Variants in EYA1 observed in about 807,000 individuals in gnomAD.
EYA1 encodes the protein EYA transcriptional coactivator and phosphatase 1.
Under a neutral mutation model 82.0 loss-of-function variants are expected in EYA1, and 16 were observed. The observed-to-expected ratio is 0.20, with a 90% CI of 0.13 to 0.30. The LOEUF is 0.30. EYA1 is among the 10% of genes least tolerant of loss of function. The pLI is 1.00. For synonymous variants in EYA1, 261 were observed against 264.4 expected, an observed-to-expected ratio of 0.99 and a Z score of 0.12; for missense variants, 633 against 730.7, an observed-to-expected ratio of 0.87 and a Z score of 1.54.
intron 11 of EYA1, among the ~76,000 whole-genome samples, chr8:71,245,073 G>A (rs1485155931): frequency 6.6e-6 from 1 of 152,184 alleles, no homozygotes; most frequent in Non-Finnish European, 1.5e-5. Flanking sequence ...AATCCATTAA[G>A]AGCATCTAAG....
chr8:71,530,709 G>A (rs1189231004), intron 2 of EYA1, among the ~76,000 whole-genome samples: 1 of 152,148 alleles, frequency 6.6e-6, no homozygotes, highest in South Asian at 2.1e-4. Flanking sequence ...AATTTTTCCA[G>A]TTTGGTTAAA....
At chr8:71,345,146 T>C (rs369926177) in intron 3 of EYA1, among the ~76,000 whole-genome samples, 82 of 152,314 alleles carry the variant, frequency 5.4e-4, no homozygotes, top group African/African-American at 1.8e-3. Context: ...ATAGCTGCTA[T>C]GTTTTGAGCA....
rs192238855 is a variant in EYA1, at chr8:71,361,933, T to G, written c.-341A>C. ...CCACAGTGGACGGCAACAGGAAGGC[T>G]TAAAGTCGGAAGTGGCACTGGAGAG... On this transcript the variant is annotated 5_prime_UTR_variant, in exon 1 of 18. Coordinates refer to ENST00000340726, the MANE Select transcript of EYA1 (RefSeq NM_000503.6). 1 of 985,432 alleles carries G rather than the reference T, an allele frequency of 1.0e-6. No individual in the cohort carries two copies. The highest frequency in any genetic ancestry group is 1.2e-6 in the Non-Finnish European group (1 of 829,948). 61.0% of individuals were successfully genotyped at this position (985,432 alleles called of 1,614,324 possible).
At chr8:71,363,501 A>G (rs953889349), upstream of EYA1, among the ~76,000 whole-genome samples, 1 of 152,178 alleles carries the variant, frequency 6.6e-6, no homozygotes, top group African/African-American at 2.4e-5. Flanking sequence ...ATCATGGGCT[A>G]GTCATCTACC....
chr8:71,339,952 C>A (rs1317879787), intron 3 of EYA1, among the ~76,000 whole-genome samples: 1 of 152,070 alleles, frequency 6.6e-6, no homozygotes, highest in Non-Finnish European at 1.5e-5. Context: ...TCATTTCTGT[C>A]CTGGCCACAC....
At chr8:71,478,682 A>G (rs563647539) in intron 2 of EYA1, among the ~76,000 whole-genome samples, 2 of 152,154 alleles carry the variant, frequency 1.3e-5, no homozygotes, top group African/African-American at 4.8e-5. Context: ...TTGTTCACTG[A>G]TCTAGAGGAA....
upstream of EYA1, among the ~76,000 whole-genome samples, chr8:71,366,688 T>G (rs559995793): frequency 1.3e-5 from 2 of 152,358 alleles, no homozygotes; most frequent in East Asian, 3.9e-4. Flanking sequence ...CCAGGCACTG[T>G]GCTAGGCATT....
In EYA1 at chr8:71,480,574, A is replaced by G. The variant is rs148552706; in HGVS notation, c.33+55170T>C. Among the ~76,000 whole-genome samples, 64 of 152,270 alleles carry G rather than the reference A, an allele frequency of 4.2e-4. No homozygotes were observed. The East Asian group carries it at 0.012, about 28-fold the overall frequency. ...TTTACCTTCTAAAGTGAAAAAAAAAATGCTGGCACCTTCAGCTGAATAGAA... is the reference window on the plus strand; with the variant it reads ...TTTACCTTCTAAAGTGAAAAAAAAAGTGCTGGCACCTTCAGCTGAATAGAA... On this transcript the variant is annotated intron_variant, in intron 2 of 18. Transcript: ENST00000643681.
chr8:71,274,915 A>G (rs868111342), intron 9 of EYA1, among the ~76,000 whole-genome samples: 2 of 151,572 alleles, frequency 1.3e-5, no homozygotes, highest in East Asian at 3.9e-4. Context: ...AGCGAGCGAG[A>G]GAGAGAGAAT....
intron 11 of EYA1, among the ~76,000 whole-genome samples, chr8:71,259,299 C>T (rs1216096021): frequency 6.6e-6 from 1 of 152,122 alleles, no homozygotes; most frequent in Admixed American, 6.5e-5. Context: ...TACCTTATTA[C>T]ACAGATGCCA....
At chr8:71,253,926 T>A (rs1275644575) in intron 11 of EYA1, among the ~76,000 whole-genome samples, 1 of 151,996 alleles carries the variant, frequency 6.6e-6, no homozygotes, top group African/African-American at 2.4e-5. Context: ...GTGGTTTAGT[T>A]TCATCTCAAA....
chr8:71,347,450 G>T (rs968574423), intron 3 of EYA1, among the ~76,000 whole-genome samples: 7 of 152,134 alleles, frequency 4.6e-5, no homozygotes, highest in Non-Finnish European at 8.8e-5. Flanking sequence ...AGCCTCCTGA[G>T]TAGCTGGAAC....
At chr8:71,263,465 T>C (rs978069205) in intron 11 of EYA1, among the ~76,000 whole-genome samples, 4 of 152,194 alleles carry the variant, frequency 2.6e-5, no homozygotes, top group Non-Finnish European at 1.5e-5. Context: ...TTTGTGCCAT[T>C]ATATTTTAGA....
rs543453089 is a variant in EYA1, at chr8:71,240,167, T to C, written c.1140+4436A>G. On this transcript the variant is annotated intron_variant, in intron 12 of 17. Transcript: ENST00000340726. ...AAAAATCATTGCAGCTTTCTCCTTTTACATAATGCTATTACCTAAAGACCA... is the reference window on the plus strand; with the variant it reads ...AAAAATCATTGCAGCTTTCTCCTTTCACATAATGCTATTACCTAAAGACCA... 1.6e-4 allele frequency among the ~76,000 whole-genome samples: 24 copies of C among 152,274 alleles called. 1 individual carries two copies. In the East Asian group the frequency reaches 4.1e-3, roughly 26 times the overall value.
At chr8:71,298,170 T>C (rs1819791697) in intron 9 of EYA1, among the ~76,000 whole-genome samples, 1 of 152,178 alleles carries the variant, frequency 6.6e-6, no homozygotes, top group Non-Finnish European at 1.5e-5. Flanking sequence ...CATACTATGA[T>C]TATAATATCA....
chr8:71,353,486 C>A (rs6992926), intron 3 of EYA1, among the ~76,000 whole-genome samples: 47,661 of 152,034 alleles, frequency 0.31, 9,939 homozygotes, highest in African/African-American at 0.6. Flanking sequence ...CTGCTACATC[C>A]GCAAAATTTC....
chr8:71,228,443 C>T (rs752869197), intron 12 of EYA1, among the ~76,000 whole-genome samples: 1 of 151,156 alleles, frequency 6.6e-6, no homozygotes, highest in Non-Finnish European at 1.5e-5. Flanking sequence ...GAGTTGGCTG[C>T]CCGAAAGGAA....
At chr8:71,248,859 C>G (rs1037633853) in intron 11 of EYA1, among the ~76,000 whole-genome samples, 1 of 152,046 alleles carries the variant, frequency 6.6e-6, no homozygotes, top group Non-Finnish European at 1.5e-5. Context: ...GGCTTGATGG[C>G]TTATTTTGGC....
upstream of EYA1, chr8:71,362,261 C>T: frequency 1.1e-6 from 1 of 923,062 alleles, no homozygotes; most frequent in Non-Finnish European, 1.3e-6. Context: ...GAGCACTGCT[C>T]TGTCTGACTC....
Sources: gnomAD v4.1 joint callset for allele counts (sites outside exome capture counted in the v4.1 genomes callset) on GRCh38, gnomAD v4.1.1 for gene constraint, MANE v1.5 for transcripts, NCBI Gene and HGNC (gene_info 2026-07-23, HGNC 2026-07-21) for gene names.